Variants in CD276 observed in about 807,000 individuals in gnomAD.
CD276 encodes CD276 antigen.
CD276 carries 34 observed loss-of-function variants against 50.0 expected under a neutral mutation model. The observed-to-expected ratio is 0.68, with a 90% CI of 0.52 to 0.91. The LOEUF (loss-of-function observed/expected upper bound fraction) is 0.91. Ranked by LOEUF, CD276 falls within the 40% of genes least tolerant of loss-of-function variation. CD276 has a pLI of 0.00. For synonymous variants in CD276, 275 were observed against 313.0 expected (o/e 0.88, Z 1.28); for missense variants, 634 against 717.5 (o/e 0.88, Z 1.33).
chr15:73,684,333 CG>C (rs1421549100), upstream of CD276: 1 of 151,712 alleles, frequency 6.6e-6, no homozygotes, highest in Non-Finnish European at 1.5e-5. Flanking sequence ...GCGGATTCTC[CG>C]GCGCGGCCCG....
chr15:73,704,400 A>C lies in CD276; in HGVS notation c.1297A>C (p.Asn433His), dbSNP rs775338151. Residue 433 changes from asparagine to histidine, a missense_variant, in exon 6 of 10, where the codon AAT becomes CAT. Coordinates refer to ENST00000318443, the MANE Select transcript of CD276 (RefSeq NM_001024736.2). This position sits in a 1 kb window ranked among gnomAD's most constrained non-coding sequence, Gnocchi z 4.1. ...HSVLRVVLGA[N>H]GTYSCLVRNP... Reference sequence around the variant, plus strand: ...CGTCCTGCGGGTGGTGCTGGGTGCGAATGGCACCTACAGCTGCCTGGTGCG... The same window carrying C: ...CGTCCTGCGGGTGGTGCTGGGTGCGCATGGCACCTACAGCTGCCTGGTGCG... The C allele has an allele frequency of 1.2e-6, 2 of 1,613,988 alleles. No homozygotes were observed. Among genetic ancestry groups the C allele is most frequent in the Admixed American group, 3.3e-5 (2 of 60,012 alleles).
At chr15:73,703,177 TC>T in intron 4 of CD276, 91 bp downstream of exon 4, 1 of 1,405,942 alleles carries the variant, frequency 7.1e-7, no homozygotes, top group Non-Finnish European at 9.6e-7. Flanking sequence ...ACCTTCAATC[TC>T]CCAGAACAGC....
intron 8 of CD276, among the ~76,000 whole-genome samples, chr15:73,710,512 C>T (rs1192492613): frequency 6.6e-6 from 1 of 152,204 alleles, no homozygotes; most frequent in African/African-American, 2.4e-5. Flanking sequence ...GGCAGGTTTC[C>T]GCTGAGCCAT....
At position 73,708,391 on chromosome 15, in the gene CD276, T is replaced by C; in HGVS notation, c.1422T>C (p.Ser474=). 1 of 1,614,112 alleles carries C rather than the reference T, an allele frequency of 6.2e-7. No homozygotes were observed. Among genetic ancestry groups the C allele is most frequent in the Non-Finnish European group, 8.5e-7 (1 of 1,179,960 alleles). The change falls in exon 7 of 10, where the codon TCT becomes TCC. Residue 474 remains serine, a synonymous_variant. Transcript: ENST00000318443. ...CCCTGTGGGTGACCGTGGGGCTGTC[T>C]GTCTGTCTCATTGCACTGCTGGTGG... ...PEALWVTVGL[S]VCLIALLVAL... is the part of the protein sequence containing the mutation.
intron 1 of CD276, among the ~76,000 whole-genome samples, chr15:73,696,340 C>A (rs1246922594): frequency 6.6e-6 from 1 of 152,118 alleles, no homozygotes; most frequent in East Asian, 1.9e-4. Context: ...GGTCCCGGGC[C>A]GACCAGCTCT....
chr15:73,709,752 G>A (rs757933401), intron 8 of CD276, 63 bp downstream of exon 8: 135 of 1,536,662 alleles, frequency 8.8e-5, no homozygotes, highest in Non-Finnish European at 1.2e-4. Flanking sequence ...AAGGAGAGAG[G>A]ACTCTAGGAT....
At chr15:73,697,216 G>A (rs1170482388) in intron 1 of CD276, among the ~76,000 whole-genome samples, 2 of 152,168 alleles carry the variant, frequency 1.3e-5, no homozygotes, top group Non-Finnish European at 2.9e-5. Context: ...CAGGCAGTAA[G>A]GCTTTGAGGC....
intron 9 of CD276, chr15:73,711,745 T>C (rs1472408567): frequency 6.5e-6 from 1 of 154,644 alleles, no homozygotes; most frequent in African/African-American, 2.4e-5. Context: ...ATAGTCATTA[T>C]TGGGCCTATT....
intron 1 of CD276, among the ~76,000 whole-genome samples, chr15:73,695,379 C>T (rs912144050): frequency 3.3e-5 from 5 of 152,130 alleles, no homozygotes; most frequent in South Asian, 2.1e-4. Context: ...TTTCCCAGCG[C>T]GGCTACCTGG....
intron 1 of CD276, 129 bp from the exon 2 acceptor site, chr15:73,699,457 G>A: frequency 8.1e-7 from 1 of 1,240,420 alleles, no homozygotes. Context: ...GGGGCCCGGT[G>A]GGATATGGGA....
In CD276 at chr15:73,714,453, G is replaced by A. The variant is rs1009485276; in HGVS notation, c.*1497G>A. 1.2e-4 allele frequency: 19 copies of A among 152,522 alleles called. No individual in the cohort carries two copies. Among genetic ancestry groups the A allele is most frequent in the African/African-American group, 4.1e-4 (17 of 41,458 alleles). 9.4% of individuals were successfully genotyped at this position (152,522 alleles called of 1,614,324 possible). On this transcript the variant is annotated 3_prime_UTR_variant, in exon 10 of 10. Coordinates refer to ENST00000318443, the MANE Select transcript of CD276 (RefSeq NM_001024736.2). Reference sequence around the variant, plus strand: ...GTGAGGACTTCTAATTTAAATGTGGGACTCGGAGGGATTTTGTAAACTGGG... The same window carrying A: ...GTGAGGACTTCTAATTTAAATGTGGAACTCGGAGGGATTTTGTAAACTGGG...
At chr15:73,703,624 T>G in intron 4 of CD276, 35 bp from the exon 5 acceptor site, 1 of 1,535,542 alleles carries the variant, frequency 6.5e-7, no homozygotes, top group Non-Finnish European at 8.8e-7. Flanking sequence ...GTCCCATTTC[T>G]CCTCACCACC....
chr15:73,692,495 A>G (rs1033824389), intron 1 of CD276, among the ~76,000 whole-genome samples: 4 of 152,250 alleles, frequency 2.6e-5, no homozygotes, highest in Non-Finnish European at 5.9e-5. Flanking sequence ...ACTTCACAGA[A>G]TTGTTGGGAA....
At chr15:73,692,185 T>G (rs991319393) in intron 1 of CD276, among the ~76,000 whole-genome samples, 1 of 152,146 alleles carries the variant, frequency 6.6e-6, no homozygotes, top group Admixed American at 6.5e-5. Context: ...CCGAGATGTC[T>G]CCTCCTCTGT....
At chr15:73,700,950 A>T (rs1402081018) in intron 2 of CD276, among the ~76,000 whole-genome samples, 1 of 7,228 alleles carries the variant, frequency 1.4e-4, no homozygotes, top group South Asian at 4.8e-3. Context: ...GTTGCCAAGG[A>T]TGGAGTGCAG....
chr15:73,707,128 C>T (rs1457943619), intron 6 of CD276, among the ~76,000 whole-genome samples: 1 of 152,234 alleles, frequency 6.6e-6, no homozygotes, highest in East Asian at 1.9e-4. Flanking sequence ...TCTGCAGATC[C>T]ATGCACGAGG....
At chr15:73,685,743 C>CTGTAG (rs1162767211) in intron 1 of CD276, among the ~76,000 whole-genome samples, 1 of 152,106 alleles carries the variant, frequency 6.6e-6, no homozygotes, top group Non-Finnish European at 1.5e-5. Flanking sequence ...AAATCTGATG[C>CTGTAG]TGTGCAGCCT....
chr15:73,713,442 C>T lies in CD276; in HGVS notation c.*486C>T, dbSNP rs1374524240. 3.7e-6 allele frequency: 1 copy of T among 273,712 alleles called. No individual in the cohort carries two copies. The highest frequency in any genetic ancestry group is 7.0e-6 in the Non-Finnish European group (1 of 143,286). The allele number at this position is 273,712 out of a possible 1,614,324, so 17.0% of individuals were successfully genotyped here. Reference sequence around the variant, plus strand: ...GATACACTAGTGATCATGTTCAGCCCTGCTTCCACCTGCATAGAATCTTTT... The same window carrying T: ...GATACACTAGTGATCATGTTCAGCCTTGCTTCCACCTGCATAGAATCTTTT... On this transcript the variant is annotated 3_prime_UTR_variant, in exon 10 of 10. Coordinates refer to ENST00000318443, the MANE Select transcript of CD276 (RefSeq NM_001024736.2).
chr15:73,712,909 T>G, intron 9 of CD276, 25 bp from the exon 10 acceptor site: 1 of 1,612,876 alleles, frequency 6.2e-7, no homozygotes, highest in Non-Finnish European at 8.5e-7. Flanking sequence ...CCTTCCCTTT[T>G]TTTTCTTCCC....
Sources: allele counts gnomAD v4.1 joint callset (sites outside exome capture counted in the v4.1 genomes callset), GRCh38; gene constraint gnomAD v4.1.1; non-coding constraint Gnocchi (gnomAD v3.1); transcripts MANE v1.5; gene names NCBI Gene and HGNC (gene_info 2026-07-23, HGNC 2026-07-21).